The following KCNQ2 variants were observed in gnomAD, a reference collection of about 807,000 sequenced individuals.
The protein encoded by KCNQ2 is potassium voltage-gated channel subfamily Q member 2, also known as potassium voltage-gated channel subfamily KQT member 2.
Under a neutral mutation model 84.8 loss-of-function variants are expected in KCNQ2, and 14 were observed. The observed-to-expected ratio is 0.17, with a 90% CI of 0.11 to 0.26. KCNQ2 has a LOEUF of 0.26. Among genes scored for constraint, KCNQ2 ranks in the 10% least tolerant of loss-of-function variants. KCNQ2 has a pLI of 1.00. For synonymous variants in KCNQ2, 599 were observed against 554.1 expected (o/e 1.08, Z -1.14); for missense variants, 788 against 1,254.0 (o/e 0.63, Z 5.61).
At chr20:63,409,229 T>C (rs765295418) in intron 15 of KCNQ2, among the ~76,000 whole-genome samples, 1 of 152,076 alleles carries the variant, frequency 6.6e-6, no homozygotes, top group Non-Finnish European at 1.5e-5. Context: ...TCGATGTGCA[T>C]GTGTGTGCCC....
rs1457962905 is a variant in KCNQ2 at position 63,405,076 on chromosome 20, A to T, written c.*1568T>A. 1.3e-5 allele frequency: 2 copies of T among 152,224 alleles called. No homozygotes were observed. Among genetic ancestry groups the T allele is most frequent in the African/African-American group, 2.4e-5 (1 of 41,436 alleles). 9.4% of individuals were successfully genotyped at this position (152,224 alleles called of 1,614,324 possible). Reference sequence around the variant, plus strand: ...TACGACCCTCAAATGCTGCTTTCAAAGTCCTCTCCCTCAGGACTGGTTCCC... The same window carrying T: ...TACGACCCTCAAATGCTGCTTTCAATGTCCTCTCCCTCAGGACTGGTTCCC... On this transcript the variant is annotated 3_prime_UTR_variant, in exon 17 of 17. Transcript: ENST00000359125.
At chr20:63,432,355 C>G (rs1296809756) in intron 8 of KCNQ2, among the ~76,000 whole-genome samples, 3 of 143,774 alleles carry the variant, frequency 2.1e-5, no homozygotes, top group Non-Finnish European at 4.5e-5. Context: ...GAAGGATCCA[C>G]CCACAGGGAA....
chr20:63,442,692 T>TCACCATCACCACCACCAC (rs1568933788), intron 4 of KCNQ2, among the ~76,000 whole-genome samples, 161 bp from the exon 5 acceptor site: 1 of 50,082 alleles, frequency 2.0e-5, no homozygotes, highest in Admixed American at 2.0e-4. Context: ...ACCATCACCA[T>TCACCATCACCACCACCAC]CACCACCATC....
rs2079846536 is a variant in KCNQ2, at chr20:63,403,305, G to A, written c.*3339C>T. On this transcript the variant is annotated 3_prime_UTR_variant, in exon 17 of 17. Transcript: ENST00000359125. ...CCTAAAGCCACAATTACTCCTTGTA[G>A]CCCCTCCCCAGGCAGCTTACACTCA... 6.6e-6 allele frequency: 1 copy of A among 152,288 alleles called. No homozygotes were observed. The highest frequency in any genetic ancestry group is 1.5e-5 in the Non-Finnish European group (1 of 68,088). 9.4% of individuals were successfully genotyped at this position (152,288 alleles called of 1,614,324 possible).
intron 8 of KCNQ2, among the ~76,000 whole-genome samples, chr20:63,432,768 A>C (rs2080862343): frequency 7.9e-6 from 1 of 126,884 alleles, no homozygotes. Context: ...GGAAGGCTCC[A>C]CCCTCAGGGA....
At chr20:63,442,977 T>C (rs796779251) in intron 4 of KCNQ2, among the ~76,000 whole-genome samples, 38 of 30,092 alleles carry the variant, frequency 1.3e-3, no homozygotes, top group South Asian at 1.8e-3. Flanking sequence ...ACCACCACCA[T>C]CACCACCATT....
chr20:63,443,013 TCACCAC>T (rs1389897725), intron 4 of KCNQ2, among the ~76,000 whole-genome samples: 1 of 27,952 alleles, frequency 3.6e-5, no homozygotes, highest in East Asian at 1.8e-3. Context: ...ACCATCACCA[TCACCAC>T]CACCATCACA....
chr20:63,448,729 C>T (rs945870887), intron 1 of KCNQ2, among the ~76,000 whole-genome samples: 6 of 152,186 alleles, frequency 3.9e-5, no homozygotes, highest in Non-Finnish European at 5.9e-5. Flanking sequence ...CCTGCAGGGC[C>T]GAGACTGGGC....
At chr20:63,461,390 C>T (rs1453211647) in intron 1 of KCNQ2, among the ~76,000 whole-genome samples, 1 of 152,168 alleles carries the variant, frequency 6.6e-6, no homozygotes, top group Non-Finnish European at 1.5e-5. Context: ...AGCAGCCACC[C>T]CCCACCGATC....
chr20:63,449,841 C>T (rs2145807527), intron 1 of KCNQ2, among the ~76,000 whole-genome samples: 1 of 152,252 alleles, frequency 6.6e-6, no homozygotes, highest in East Asian at 1.9e-4. Context: ...CCGGGGCCCC[C>T]ATCACCCCAG....
chr20:63,440,665 T>G (rs1276412300), intron 5 of KCNQ2, among the ~76,000 whole-genome samples: 1 of 152,086 alleles, frequency 6.6e-6, no homozygotes, highest in African/African-American at 2.4e-5. Context: ...AGCCCCACCT[T>G]GGGGAGTTTA....
rs1462356520 is a variant in KCNQ2, at chr20:63,446,611, CAG to C, written c.387+134_387+135del. 1.3e-6 allele frequency: 1 copy of C among 747,940 alleles called. No homozygotes were observed. Among genetic ancestry groups the C allele is most frequent in the Non-Finnish European group, 2.3e-6 (1 of 429,922 alleles). The allele number at this position is 747,940 out of a possible 1,614,324, so 46.3% of individuals were successfully genotyped here. ...GGGGCTGGGGGCAGATGGGAACTGACAGGGCACAAAGACATGGCCAGAGCTGG... is the reference window on the plus strand; with the variant it reads ...GGGGCTGGGGGCAGATGGGAACTGACGGCACAAAGACATGGCCAGAGCTGG... On this transcript the variant is annotated intron_variant, in intron 2 of 16. Transcript: ENST00000359125. This position sits in a 1 kb window ranked among gnomAD's most constrained non-coding sequence, Gnocchi z 5.5.
At chr20:63,439,152 G>A (rs1012568054) in intron 6 of KCNQ2, among the ~76,000 whole-genome samples, 16 of 152,074 alleles carry the variant, frequency 1.1e-4, no homozygotes, top group African/African-American at 1.2e-4. Context: ...GCCTCTTGCC[G>A]TGCACCAGCT....
intron 7 of KCNQ2, chr20:63,437,415 T>G (rs2081039754): frequency 2.0e-5 from 3 of 152,242 alleles, no homozygotes; most frequent in African/African-American, 7.2e-5. Flanking sequence ...TGGAAATAAA[T>G]AGCTGTTTGT....
In KCNQ2 at chr20:63,458,570, G is replaced by C. The variant is rs183157509; in HGVS notation, c.297-11733C>G. Among the ~76,000 whole-genome samples the C allele has an allele frequency of 9.9e-3, 1,509 of 152,244 alleles. 12 individuals are homozygous for C. The highest frequency in any genetic ancestry group is 0.016 in the Non-Finnish European group (1,105 of 68,008). On this transcript the variant is annotated intron_variant, in intron 1 of 16. Coordinates refer to ENST00000359125, the MANE Select transcript of KCNQ2 (RefSeq NM_172107.4). ...CATCCCTTCCCCGGGCAGCCCCCAA[G>C]TCTCCCTGGTGTATTCTCTCCAGGG...
chr20:63,434,002 T>A (rs780459406), intron 7 of KCNQ2, 99 bp from the exon 8 acceptor site: 104 of 1,006,630 alleles, frequency 1.0e-4, no homozygotes, highest in Non-Finnish European at 1.6e-4. Context: ...GGGACCCCCA[T>A]GCTGTAGGCC....
At position 63,400,739 on chromosome 20, in the gene KCNQ2, C is replaced by T. The variant is rs546133146; in HGVS notation, c.*5905G>A. The T allele has an allele frequency of 3.3e-4, 130 of 398,492 alleles. No individual in the cohort carries two copies. Among genetic ancestry groups the T allele is most frequent in the Non-Finnish European group, 5.2e-4 (118 of 225,978 alleles). The allele number at this position is 398,492 out of a possible 1,614,324, so 24.7% of individuals were successfully genotyped here. A position where few individuals can be genotyped will look rare whatever the true frequency, so the allele number is the denominator to read the frequency against. ...GGGCACACGTGGGCCGTGTGGATCC[C>T]GGGCAGAGGGATGGCGTCCAGCGGG... On this transcript the variant is annotated 3_prime_UTR_variant, in exon 17 of 17. Transcript: ENST00000359125. This position sits in a 1 kb window ranked among gnomAD's most constrained non-coding sequence, Gnocchi z 8.7.
rs896077800 is a variant in KCNQ2, at chr20:63,408,810, G to A, written c.1764-274C>T. On this transcript the variant is annotated intron_variant, in intron 15 of 16. Coordinates refer to ENST00000359125, the MANE Select transcript of KCNQ2 (RefSeq NM_172107.4). The surrounding 1 kb of genome is among the most constrained non-coding windows in gnomAD (Gnocchi z 5.0). Reference sequence around the variant, plus strand: ...AAGTAAGGACGCTCCCACCAGGGCCGAGTCGCCCGGCTCCTCTCCGTGGGC... The same window carrying A: ...AAGTAAGGACGCTCCCACCAGGGCCAAGTCGCCCGGCTCCTCTCCGTGGGC... Among the ~76,000 whole-genome samples, 4 of 152,122 alleles carry A rather than the reference G, an allele frequency of 2.6e-5. No individual in the cohort carries two copies. Among genetic ancestry groups the A allele is most frequent in the East Asian group, 3.9e-4 (2 of 5,176 alleles).
chr20:63,455,166 G>A (rs945015180), intron 1 of KCNQ2, among the ~76,000 whole-genome samples: 2 of 152,292 alleles, frequency 1.3e-5, no homozygotes, highest in Non-Finnish European at 2.9e-5. Flanking sequence ...CTGGGAGGAC[G>A]ATGGGAGGAC....
Sources: gnomAD v4.1 joint callset for allele counts (sites outside exome capture counted in the v4.1 genomes callset) on GRCh38, gnomAD v4.1.1 for gene constraint, Gnocchi (gnomAD v3.1) non-coding constraint, MANE v1.5 for transcripts, NCBI Gene and HGNC (gene_info 2026-07-23, HGNC 2026-07-21) for gene names.